Variants in NCAPH observed in about 807,000 individuals in gnomAD.
NCAPH encodes the protein condensin complex subunit 2.
In NCAPH, 38 loss-of-function variants were observed where a neutral mutation model predicts 85.5. The observed-to-expected ratio is 0.44, with a 90% CI of 0.34 to 0.58. NCAPH has a LOEUF of 0.58. Among genes scored for constraint, NCAPH ranks in the 20% least tolerant of loss-of-function variants. The pLI, the probability that NCAPH is intolerant of heterozygous loss-of-function variation, is 0.01. For synonymous variants in NCAPH, 301 were observed against 335.1 expected, an observed-to-expected ratio of 0.90 and a Z score of 1.11; for missense variants, 789 against 916.6, an observed-to-expected ratio of 0.86 and a Z score of 1.80.
At chr2:96,347,500 A>G (rs2064377711) in intron 6 of NCAPH, among the ~76,000 whole-genome samples, 2 of 152,266 alleles carry the variant, frequency 1.3e-5, no homozygotes, top group South Asian at 4.1e-4. Context: ...TTGAGAATAC[A>G]TAAATTAGAA....
At chr2:96,370,217 A>T (rs1024510247) in intron 17 of NCAPH, among the ~76,000 whole-genome samples, 28 of 152,324 alleles carry the variant, frequency 1.8e-4, no homozygotes, top group African/African-American at 6.5e-4. Context: ...AGCCTTTGGC[A>T]CGTGCAGTAG....
chr2:96,346,547 G>T lies in NCAPH; in HGVS notation c.720+2318G>T, dbSNP rs563456598. 1.4e-4 allele frequency among the ~76,000 whole-genome samples: 21 copies of T among 152,286 alleles called. No individual in the cohort carries two copies. The South Asian group carries it at 4.4e-3, about 32-fold the overall frequency. ...GACACTGGAGGAGGTGAGTGCATGT[G>T]TAAAGGTGTGGTTGCATTCACTGCT... On this transcript the variant is annotated intron_variant, in intron 6 of 17. Coordinates refer to ENST00000240423, the MANE Select transcript of NCAPH (RefSeq NM_015341.5).
intron 17 of NCAPH, 104 bp from the exon 18 acceptor site, chr2:96,373,188 C>A: frequency 2.2e-6 from 2 of 912,896 alleles, no homozygotes; most frequent in Non-Finnish European, 3.4e-6. Context: ...AATCATGGGA[C>A]AAACTTTCTT....
In NCAPH at chr2:96,375,657, C is replaced by CT. The variant is rs1358418275; in HGVS notation, c.*2307dup. Among the ~76,000 whole-genome samples the CT allele has an allele frequency of 6.6e-6, 1 of 152,146 alleles. No homozygotes were observed. Among genetic ancestry groups the CT allele is most frequent in the Non-Finnish European group, 1.5e-5 (1 of 68,024 alleles). Reference sequence around the variant, plus strand: ...CATTTTGTTATAGCAGACAAATTGACTAAGACAGTGGGTATGCAAGATAAG... The same window carrying CT: ...CATTTTGTTATAGCAGACAAATTGACTTAAGACAGTGGGTATGCAAGATAAG... On this transcript the variant is annotated 3_prime_UTR_variant, in exon 18 of 18. Coordinates refer to ENST00000240423, the MANE Select transcript of NCAPH (RefSeq NM_015341.5).
intron 14 of NCAPH, 56 bp downstream of exon 14, chr2:96,366,114 T>G: frequency 6.4e-7 from 1 of 1,566,358 alleles, no homozygotes; most frequent in Non-Finnish European, 8.7e-7. Context: ...TTTAATTGTC[T>G]CTTATATGAG....
At position 96,360,215 on chromosome 2, in the gene NCAPH, A is replaced by T. The variant is rs376027128; in HGVS notation, c.1430A>T (p.Asp477Val). The change falls in exon 11 of 18, where the codon GAT (aspartate) becomes GTT (valine). Residue 477 changes from aspartate to valine, a missense_variant. Coordinates refer to ENST00000240423, the MANE Select transcript of NCAPH (RefSeq NM_015341.5). ...GATTTTGAAATTGACTTTGAAGATG[A>T]TATTGACTTTGATGTATATTTTAGA... The part of the protein sequence containing the change: ...KKDFEIDFED[D>V]IDFDVYFRKT... 2.6e-6 allele frequency: 4 copies of T among 1,560,670 alleles called. No homozygotes were observed. The African/African-American group carries it at 5.4e-5, about 21-fold the overall frequency.
chr2:96,359,032 A>G lies in NCAPH; in HGVS notation c.1209-13A>G, dbSNP rs2064566925. The G allele has an allele frequency of 1.2e-6, 2 of 1,613,342 alleles. No homozygotes were observed. Among genetic ancestry groups the G allele is most frequent in the Middle Eastern group, 1.7e-4 (1 of 6,058 alleles). On this transcript the variant is annotated splice_polypyrimidine_tract_variant and intron_variant, in intron 9 of 17. Coordinates refer to ENST00000240423, the MANE Select transcript of NCAPH (RefSeq NM_015341.5). ...ATATATGTATTGTACATGTACAAATATGTGTGTTACAGGGAAGAAATGATT... is the reference window on the plus strand; with the variant it reads ...ATATATGTATTGTACATGTACAAATGTGTGTGTTACAGGGAAGAAATGATT...
intron 6 of NCAPH, among the ~76,000 whole-genome samples, chr2:96,347,170 C>T (rs2064372534): frequency 6.6e-6 from 1 of 152,018 alleles, no homozygotes; most frequent in Non-Finnish European, 1.5e-5. Flanking sequence ...CACCTGTAGG[C>T]CACTGGTTTG....
At chr2:96,359,928 T>C (rs1573086539) in intron 10 of NCAPH, among the ~76,000 whole-genome samples, 1 of 152,364 alleles carries the variant, frequency 6.6e-6, no homozygotes, top group Non-Finnish European at 1.5e-5. Context: ...TGGCCAAGCA[T>C]ATGTTTCTGA....
intron 1 of NCAPH, among the ~76,000 whole-genome samples, chr2:96,338,241 GAA>G (rs34560390): frequency 1.1e-4 from 9 of 80,828 alleles, no homozygotes; most frequent in African/African-American, 4.5e-4. Flanking sequence ...CTATTTTATT[GAA>G]AAAAAAAAAA....
At chr2:96,340,286 C>T (rs1481852626) in intron 1 of NCAPH, among the ~76,000 whole-genome samples, 2 of 151,874 alleles carry the variant, frequency 1.3e-5, no homozygotes, top group African/African-American at 2.4e-5. Flanking sequence ...ATGCTGATGA[C>T]TTCCCAGTGT....
In NCAPH at chr2:96,359,213, A is replaced by C. The variant is rs770426175; in HGVS notation, c.1357+20A>C. 2 of 1,612,584 alleles carry C rather than the reference A, an allele frequency of 1.2e-6. No homozygotes were observed. Among genetic ancestry groups the C allele is most frequent in the Non-Finnish European group, 1.7e-6 (2 of 1,179,076 alleles). Reference sequence around the variant, plus strand: ...GCAAACGTATGTAATTCTAGGTGGAATTTTAAGAAAAGAAGTAGTGTAGAT... The same window carrying C: ...GCAAACGTATGTAATTCTAGGTGGACTTTTAAGAAAAGAAGTAGTGTAGAT... On this transcript the variant is annotated intron_variant, in intron 10 of 17. Coordinates refer to ENST00000240423, the MANE Select transcript of NCAPH (RefSeq NM_015341.5).
chr2:96,367,256 G>T lies in NCAPH; in HGVS notation c.1882-1G>T. On this transcript the variant is annotated splice_acceptor_variant, in intron 14 of 17. Coordinates refer to ENST00000240423, the MANE Select transcript of NCAPH (RefSeq NM_015341.5). LOFTEE classifies it high-confidence loss of function. ...TTTACTTTGTCATATACCTATTTCA[G>T]GTAAATAAAATTGAAATTCACTATG... The T allele has an allele frequency of 6.3e-7, 1 of 1,598,764 alleles. No homozygotes were observed. The highest frequency in any genetic ancestry group is 8.6e-7 in the Non-Finnish European group (1 of 1,166,680).
intron 12 of NCAPH, among the ~76,000 whole-genome samples, chr2:96,362,009 A>T (rs1036840807): frequency 2.6e-5 from 4 of 151,402 alleles, no homozygotes; most frequent in Admixed American, 6.6e-5. Context: ...CTCCCAAAGT[A>T]CAGGGATTAC....
intron 15 of NCAPH, 21 bp from the exon 16 acceptor site, chr2:96,368,951 G>A (rs746624869): frequency 6.5e-7 from 1 of 1,543,830 alleles, no homozygotes; most frequent in South Asian, 1.2e-5. Context: ...ACTGTCCGAT[G>A]TATAAATGTG....
intron 1 of NCAPH, among the ~76,000 whole-genome samples, chr2:96,340,945 T>C (rs986522512): frequency 6.6e-6 from 1 of 152,208 alleles, no homozygotes; most frequent in Non-Finnish European, 1.5e-5. Context: ...TCTAAAGTTC[T>C]TTGGTTAAAT....
chr2:96,344,029 G>A (rs2064330837), intron 5 of NCAPH, 76 bp from the exon 6 acceptor site: 1 of 1,535,880 alleles, frequency 6.5e-7, no homozygotes, highest in Non-Finnish European at 8.7e-7. Context: ...GACAGGTTTT[G>A]AAGAACTTGA....
chr2:96,342,650 T>C lies in NCAPH; in HGVS notation c.364-106T>C, dbSNP rs1422095024. The C allele has an allele frequency of 3.5e-6, 3 of 855,576 alleles. No homozygotes were observed. The Admixed American group carries it at 7.0e-5, about 20-fold the overall frequency. 53.0% of individuals were successfully genotyped at this position (855,576 alleles called of 1,614,324 possible). A position where few individuals can be genotyped will look rare whatever the true frequency, so the allele number is the denominator to read the frequency against. On this transcript the variant is annotated intron_variant, in intron 3 of 17. Transcript: ENST00000240423. ...TTGGGAAGAGAGATCAGTGACAATA[T>C]GTGGGTATTCCTATGTAAAGACTTA...
intron 4 of NCAPH, 96 bp from the exon 5 acceptor site, chr2:96,343,070 G>A (rs765306682): frequency 4.0e-6 from 6 of 1,512,738 alleles, no homozygotes; most frequent in Admixed American, 2.0e-5. Context: ...TGCTTCCTTG[G>A]GGCAAGTAAA....
Sources: allele counts gnomAD v4.1 joint callset (sites outside exome capture counted in the v4.1 genomes callset), GRCh38; gene constraint gnomAD v4.1.1; transcripts MANE v1.5; gene names NCBI Gene and HGNC (gene_info 2026-07-23, HGNC 2026-07-21).